The following RAB11FIP4 variants were observed in gnomAD, a reference collection of about 807,000 sequenced individuals.
The protein encoded by RAB11FIP4 is RAB11 family interacting protein 4.
In RAB11FIP4, 23 loss-of-function variants were observed where a neutral mutation model predicts 74.3. That is an observed-to-expected ratio of 0.31 (90% confidence interval 0.22 to 0.44). The LOEUF (loss-of-function observed/expected upper bound fraction) is 0.44, where lower values mean the gene tolerates loss of function less well. Ranked by LOEUF, RAB11FIP4 falls within the 20% of genes least tolerant of loss-of-function variation. The pLI is 1.00. For synonymous variants in RAB11FIP4, 360 were observed against 359.9 expected, an observed-to-expected ratio of 1.00 and a Z score of 0.00; for missense variants, 630 against 863.9, an observed-to-expected ratio of 0.73 and a Z score of 3.39.
intron 13 of RAB11FIP4, among the ~76,000 whole-genome samples, chr17:31,529,565 G>A (rs2072830646): frequency 6.6e-6 from 1 of 152,190 alleles, no homozygotes; most frequent in African/African-American, 2.4e-5. Context: ...ACTGTGCCTA[G>A]CCAGAAGATT....
At chr17:31,430,482 C>G (rs1199352109) in intron 1 of RAB11FIP4, among the ~76,000 whole-genome samples, 1 of 151,214 alleles carries the variant, frequency 6.6e-6, no homozygotes, top group African/African-American at 2.4e-5. Flanking sequence ...CTCAGCCTCC[C>G]GAGTAGCTAG....
At chr17:31,462,281 C>CA (rs111709214) in intron 3 of RAB11FIP4, among the ~76,000 whole-genome samples, 10,483 of 143,718 alleles carry the variant, frequency 0.073, 1,022 homozygotes, top group African/African-American at 0.23. Context: ...AAACAAAAAA[C>CA]AAAAAAAAAA....
chr17:31,425,394 G>T (rs2071238391), intron 1 of RAB11FIP4, among the ~76,000 whole-genome samples: 1 of 152,218 alleles, frequency 6.6e-6, no homozygotes, highest in Non-Finnish European at 1.5e-5. Context: ...AGGCAGCTGA[G>T]ATTTCAGAAA....
rs1416556967 is a variant in RAB11FIP4 at position 31,521,342 on chromosome 17, G to A, written c.740G>A (p.Gly247Glu). 23 of 1,607,852 alleles carry A rather than the reference G, an allele frequency of 1.4e-5. No individual in the cohort carries two copies. The highest frequency in any genetic ancestry group is 1.9e-5 in the Non-Finnish European group (22 of 1,177,048). The change falls in exon 5 of 15, where the codon GGG (glycine) becomes GAG (glutamate). Residue 247 changes from glycine to glutamate, a missense_variant. Physicochemically the swap from Gly to Glu is moderately conservative, Grantham distance 98 (BLOSUM62 -2). Transcript: ENST00000621161. ...ETRTNVYSDL[G>E]SSVSSSAGQT... ...AGGACCAACGTCTACTCGGACCTGG[G>A]GTCTTCGGTGTCTTCCAGGTGGCCC...
intron 9 of RAB11FIP4, chr17:31,524,413 C>T: frequency 5.1e-6 from 1 of 194,618 alleles, no homozygotes; most frequent in East Asian, 1.3e-4. Flanking sequence ...CCTGAGCCTG[C>T]CGTTCCTGAT....
rs543590703 is a variant in RAB11FIP4, at chr17:31,488,283, G to A, written c.337-29368G>A. ...GCTCTCGGGAGCCAGGTAAGCGGCGGCCCCGGGGCTGGCGCTCGCAGGGCT... is the reference window on the plus strand; with the variant it reads ...GCTCTCGGGAGCCAGGTAAGCGGCGACCCCGGGGCTGGCGCTCGCAGGGCT... On this transcript the variant is annotated intron_variant, in intron 3 of 14. Coordinates refer to ENST00000621161, the MANE Select transcript of RAB11FIP4 (RefSeq NM_032932.6). The A allele has an allele frequency of 1.3e-4, 154 of 1,176,498 alleles. 1 individual carries two copies. In the Middle Eastern group the frequency reaches 2.1e-3, roughly 16 times the overall value. 72.9% of individuals were successfully genotyped at this position (1,176,498 alleles called of 1,614,324 possible).
At chr17:31,529,616 G>T (rs890887454) in intron 13 of RAB11FIP4, among the ~76,000 whole-genome samples, 1 of 152,206 alleles carries the variant, frequency 6.6e-6, no homozygotes, top group Admixed American at 6.5e-5. Context: ...ACCTTTGGGT[G>T]GGGGAGTGGA....
At position 31,399,270 on chromosome 17, in the gene RAB11FIP4, C is replaced by T. The variant is rs116509608; in HGVS notation, c.159+7259C>T. Among the ~76,000 whole-genome samples, 679 of 152,276 alleles carry T rather than the reference C, an allele frequency of 4.5e-3. 7 individuals are homozygous for T. Among genetic ancestry groups the T allele is most frequent in the African/African-American group, 0.015 (644 of 41,550 alleles). ...CTGGGCGGGATGGAGGGGAAATGCC[C>T]GCTGGCCTGGAAATGGCATATGGCT... On this transcript the variant is annotated intron_variant, in intron 1 of 14. Coordinates refer to ENST00000621161, the MANE Select transcript of RAB11FIP4 (RefSeq NM_032932.6).
At chr17:31,436,632 G>T (rs1181804280) in intron 3 of RAB11FIP4, among the ~76,000 whole-genome samples, 1 of 152,170 alleles carries the variant, frequency 6.6e-6, no homozygotes, top group Non-Finnish European at 1.5e-5. Flanking sequence ...AAGTCTAGAG[G>T]TTATGGGAAA....
intron 7 of RAB11FIP4, 35 bp from the exon 8 acceptor site, chr17:31,523,477 C>T (rs751155468): frequency 6.4e-7 from 1 of 1,554,524 alleles, no homozygotes; most frequent in East Asian, 2.2e-5. Flanking sequence ...TCTGGAAGGC[C>T]CCTGCAGCCA....
chr17:31,426,391 C>T (rs2071249851), intron 1 of RAB11FIP4, among the ~76,000 whole-genome samples: 1 of 152,104 alleles, frequency 6.6e-6, no homozygotes, highest in Admixed American at 6.6e-5. Flanking sequence ...ATAATAATAG[C>T]TACTGTTAAG....
chr17:31,425,894 C>A (rs552213020), intron 1 of RAB11FIP4, among the ~76,000 whole-genome samples: 2 of 152,324 alleles, frequency 1.3e-5, no homozygotes, highest in African/African-American at 2.4e-5. Context: ...AGGCTCCCCA[C>A]GAAGACCACA....
chr17:31,434,182 C>T (rs1037504638), intron 3 of RAB11FIP4, 60 bp downstream of exon 3: 5 of 1,383,890 alleles, frequency 3.6e-6, no homozygotes, highest in South Asian at 1.2e-5. Context: ...TTGGTCTTGC[C>T]TTTGCTCCAT....
chr17:31,428,280 T>TG (rs2071273054), intron 1 of RAB11FIP4, among the ~76,000 whole-genome samples: 1 of 152,198 alleles, frequency 6.6e-6, no homozygotes, highest in African/African-American at 2.4e-5. Context: ...GCTGTGGGCA[T>TG]GCAAGAAAAA....
At chr17:31,503,904 A>C (rs1272638300) in intron 3 of RAB11FIP4, among the ~76,000 whole-genome samples, 1 of 149,750 alleles carries the variant, frequency 6.7e-6, no homozygotes, top group African/African-American at 2.6e-5. Context: ...ATCCGAATAG[A>C]CATTTCTGTT....
chr17:31,411,278 A>G (rs879514132), intron 1 of RAB11FIP4, among the ~76,000 whole-genome samples: 2 of 152,148 alleles, frequency 1.3e-5, no homozygotes, highest in Non-Finnish European at 2.9e-5. Flanking sequence ...GCAGGAGAAT[A>G]GCGTGAACCT....
intron 3 of RAB11FIP4, among the ~76,000 whole-genome samples, chr17:31,494,192 G>T (rs1270200158): frequency 2.0e-5 from 3 of 152,006 alleles, no homozygotes; most frequent in East Asian, 1.9e-4. Context: ...TCAGAGTCAG[G>T]CTGTCTCTGG....
intron 3 of RAB11FIP4, among the ~76,000 whole-genome samples, chr17:31,471,054 C>T (rs2071731295): frequency 6.7e-6 from 1 of 148,310 alleles, no homozygotes; most frequent in Non-Finnish European, 1.5e-5. Context: ...AAAAGTATGT[C>T]TGGGAAATGG....
rs540259707 is a variant in RAB11FIP4 at position 31,469,625 on chromosome 17, C to T, written c.336+35503C>T. ...CCAGCCTGGGTGACAAAGTGAGACC[C>T]TCTCTCAAAAAAAAAAAAAAAAAAA... On this transcript the variant is annotated intron_variant, in intron 3 of 14. Coordinates refer to ENST00000621161, the MANE Select transcript of RAB11FIP4 (RefSeq NM_032932.6). 4.2e-5 allele frequency among the ~76,000 whole-genome samples: 5 copies of T among 117,942 alleles called. No individual in the cohort carries two copies. The South Asian group carries it at 1.5e-3, about 35-fold the overall frequency. The allele number at this position is 117,942 out of a possible 152,430, so 77.4% of individuals were successfully genotyped here. A position where few individuals can be genotyped will look rare whatever the true frequency, so the allele number is the denominator to read the frequency against.
Sources: allele counts gnomAD v4.1 joint callset (sites outside exome capture counted in the v4.1 genomes callset), GRCh38; gene constraint gnomAD v4.1.1; transcripts MANE v1.5; gene names NCBI Gene and HGNC (gene_info 2026-07-23, HGNC 2026-07-21).